Variants in PDILT observed in about 807,000 individuals in gnomAD.
The protein encoded by PDILT is protein disulfide-isomerase-like protein of the testis.
A neutral mutation model predicts 53.7 loss-of-function variants in PDILT; 43 were observed. The observed-to-expected ratio is 0.80, with a 90% CI of 0.63 to 1.03. The LOEUF (loss-of-function observed/expected upper bound fraction) is 1.03. Ranked by LOEUF, PDILT falls within the 50% of genes least tolerant of loss-of-function variation. The probability of loss-of-function intolerance (pLI) is 0.00; values close to 1 mark genes in which losing one functional copy is unlikely to be tolerated. For synonymous variants in PDILT, 282 were observed against 274.2 expected (o/e 1.03, Z -0.28); for missense variants, 727 against 712.3 (o/e 1.02, Z -0.24).
rs1567323990 is a variant in PDILT, at chr16:20,374,820, ACC to A, written c.681_681+1del. 1 of 1,610,646 alleles carries A rather than the reference ACC, an allele frequency of 6.2e-7. No homozygotes were observed. On this transcript the variant is annotated splice_donor_variant and coding_sequence_variant, in exon 5 of 12. Coordinates refer to ENST00000302451, the MANE Select transcript of PDILT (RefSeq NM_174924.2). LOFTEE classifies it high-confidence loss of function. ...TCACTAGCAATAGGATCAAAATCCT[ACC>A]TTTTTGAACACCAGGACGCTGTCAA... is the stretch of plus-strand genomic sequence containing the variant.
chr16:20,380,247 CT>C (rs1966444322), intron 3 of PDILT, among the ~76,000 whole-genome samples: 1 of 152,190 alleles, frequency 6.6e-6, no homozygotes, highest in African/African-American at 2.4e-5. Flanking sequence ...CTTCTTCTGC[CT>C]GTTCAATTCT....
chr16:20,367,091 CTTTCTTT>C (rs1567320959), intron 8 of PDILT, among the ~76,000 whole-genome samples: 8 of 99,326 alleles, frequency 8.1e-5, no homozygotes, highest in African/African-American at 1.7e-4. Flanking sequence ...TTCTTTCTTT[CTTTCTTT>C]CTTTCTTCCT....
rs150232122 is a variant in PDILT, at chr16:20,364,639, C to T, written c.1237+781G>A. Among the ~76,000 whole-genome samples the T allele has an allele frequency of 6.2e-3, 951 of 152,312 alleles. 4 individuals carry two copies. Among genetic ancestry groups the T allele is most frequent in the Non-Finnish European group, 9.4e-3 (637 of 68,028 alleles). On this transcript the variant is annotated intron_variant, in intron 9 of 11. Transcript: ENST00000302451. Reference sequence around the variant, plus strand: ...AATGTCTGAAGGAACTTCAGTATCACCTTTCTCTGTGTCTCAGGGTGGGAG... The same window carrying T: ...AATGTCTGAAGGAACTTCAGTATCATCTTTCTCTGTGTCTCAGGGTGGGAG...
chr16:20,380,940 G>A (rs1567326496), intron 3 of PDILT, among the ~76,000 whole-genome samples: 1 of 152,194 alleles, frequency 6.6e-6, no homozygotes, highest in Non-Finnish European at 1.5e-5. Flanking sequence ...CTGCAGATCA[G>A]GCACTGCCCT....
At chr16:20,402,856 A>C (rs992588706) in intron 1 of PDILT, among the ~76,000 whole-genome samples, 2 of 152,206 alleles carry the variant, frequency 1.3e-5, no homozygotes, top group African/African-American at 4.8e-5. Flanking sequence ...TCCTGCCTGC[A>C]GCCTGCCCTG....
At chr16:20,375,988 G>C in intron 4 of PDILT, 80 bp downstream of exon 4, 4 of 1,541,396 alleles carry the variant, frequency 2.6e-6, no homozygotes, top group Non-Finnish European at 3.5e-6. Context: ...CAAAACGGAA[G>C]AGTCTCCTCA....
rs4438315 is a variant in PDILT at position 20,369,480 on chromosome 16, G to T, written c.1116+12C>A. 6.2e-6 allele frequency: 10 copies of T among 1,611,662 alleles called. No homozygotes were observed. In the South Asian group the frequency reaches 1.1e-4, roughly 18 times the overall value. On this transcript the variant is annotated intron_variant, in intron 8 of 11. Coordinates refer to ENST00000302451, the MANE Select transcript of PDILT (RefSeq NM_174924.2). ...GAGGTTCTGGATAAACCTTGTCCAAGAAAAAACCTACTGTGGCATTTTTAC... is the reference window on the plus strand; with the variant it reads ...GAGGTTCTGGATAAACCTTGTCCAATAAAAAACCTACTGTGGCATTTTTAC...
intron 2 of PDILT, among the ~76,000 whole-genome samples, chr16:20,386,620 G>T (rs532847061): frequency 2.1e-3 from 320 of 152,308 alleles, no homozygotes; most frequent in Middle Eastern, 3.4e-3. Flanking sequence ...TAAACTCCCG[G>T]TCAATGGACC....
In PDILT at chr16:20,375,993, T is replaced by C. The variant is rs1428452593; in HGVS notation, c.543+75A>G. The C allele has an allele frequency of 8.3e-6, 13 of 1,559,920 alleles. No individual in the cohort carries two copies. The East Asian group carries it at 2.9e-4, about 35-fold the overall frequency. ...ATTGGGCAATCAAAACGGAAGAGTC[T>C]CCTCACACCACCCCCTCCCAGACAC... On this transcript the variant is annotated intron_variant, in intron 4 of 11. Transcript: ENST00000302451.
Position 20,369,598 on chromosome 16 carries a change from T to C in PDILT, c.1010A>G (p.Gln337Arg). ...RVTEVDIPSV[Q>R]ILNLSSDARY... is the part of the protein sequence containing the mutation. ...GGCGTCAGAGCTCAAGTTTAGGATT[T>C]GGACGGATGGGATATCGACCTCTGT... Residue 337 changes from glutamine to arginine, a missense_variant, in exon 8 of 12, where the codon CAA becomes CGA. By Grantham distance (43) the Gln-to-Arg change is conservative. Transcript: ENST00000302451. The C allele has an allele frequency of 6.2e-7, 1 of 1,614,238 alleles. No individual in the cohort carries two copies. Among genetic ancestry groups the C allele is most frequent in the Non-Finnish European group, 8.5e-7 (1 of 1,180,048 alleles).
chr16:20,374,986 G>C (rs768583602), intron 4 of PDILT, 27 bp from the exon 5 acceptor site: 1 of 1,581,894 alleles, frequency 6.3e-7, no homozygotes, highest in Non-Finnish European at 8.6e-7. Flanking sequence ...GTTTGGAAAG[G>C]CTTTGGTAGA....
At chr16:20,363,071 CAAAAAAA>C (rs1187383410) in intron 9 of PDILT, among the ~76,000 whole-genome samples, 3 of 93,576 alleles carry the variant, frequency 3.2e-5, no homozygotes, top group African/African-American at 1.3e-4. Flanking sequence ...GACTCCATCT[CAAAAAAA>C]AAAAAAAAAA....
chr16:20,378,524 C>T lies in PDILT; in HGVS notation c.410-2323G>A, dbSNP rs188814421. On this transcript the variant is annotated intron_variant, in intron 3 of 11. Coordinates refer to ENST00000302451, the MANE Select transcript of PDILT (RefSeq NM_174924.2). ...CTGTTACATAGGTATACATGTGCCA[C>T]GGTGCTTTGCTGTACCTATCAACCC... Among the ~76,000 whole-genome samples, 37 of 152,186 alleles carry T rather than the reference C, an allele frequency of 2.4e-4. No homozygotes were observed. In the South Asian group the frequency reaches 5.8e-3, roughly 24 times the overall value.
rs12597030 is a variant in PDILT, at chr16:20,398,826, G to A, written c.202+273C>T. On this transcript the variant is annotated intron_variant, in intron 2 of 11. Transcript: ENST00000302451. Reference sequence around the variant, plus strand: ...AGGCTCGGAATAATACAGACACCTCGGGTTAAAGCCTGGCTCCTCTTCAGT... The same window carrying A: ...AGGCTCGGAATAATACAGACACCTCAGGTTAAAGCCTGGCTCCTCTTCAGT... Among the ~76,000 whole-genome samples the A allele has an allele frequency of 0.013, 2,027 of 152,218 alleles. 122 individuals carry two copies. The East Asian group carries it at 0.18, about 13-fold the overall frequency.
At chr16:20,403,672 G>C (rs941396335) in intron 1 of PDILT, among the ~76,000 whole-genome samples, 2 of 151,368 alleles carry the variant, frequency 1.3e-5, no homozygotes, top group African/African-American at 4.9e-5. Context: ...AAAAGCTTCT[G>C]CCTCTTTTTT....
chr16:20,388,853 G>A (rs141368872), intron 2 of PDILT: 2,130 of 152,182 alleles, frequency 0.014, 21 homozygotes, highest in South Asian at 0.069. Context: ...TGGAGGTTGC[G>A]GTGAGCCAAG....
At chr16:20,361,047 C>G (rs1275378529) in intron 10 of PDILT, among the ~76,000 whole-genome samples, 1 of 152,190 alleles carries the variant, frequency 6.6e-6, no homozygotes, top group Non-Finnish European at 1.5e-5. Flanking sequence ...GTATTGAAAA[C>G]AGCGCCTGGT....
chr16:20,393,465 A>T (rs184103083), intron 2 of PDILT, among the ~76,000 whole-genome samples: 1 of 152,322 alleles, frequency 6.6e-6, no homozygotes, highest in Non-Finnish European at 1.5e-5. Flanking sequence ...GGAGGCAAAA[A>T]TGACCCAATT....
intron 5 of PDILT, among the ~76,000 whole-genome samples, chr16:20,374,567 T>C (rs975104626): frequency 6.6e-6 from 1 of 152,056 alleles, no homozygotes; most frequent in Non-Finnish European, 1.5e-5. Context: ...AGGGGAAGCA[T>C]GGAGTAGAAG....
Sources: allele counts gnomAD v4.1 joint callset (sites outside exome capture counted in the v4.1 genomes callset), GRCh38; gene constraint gnomAD v4.1.1; transcripts MANE v1.5; gene names NCBI Gene and HGNC (gene_info 2026-07-23, HGNC 2026-07-21).